Variants in MAGI2 observed in about 807,000 individuals in gnomAD.
The protein encoded by MAGI2 is membrane associated guanylate kinase, WW and PDZ domain containing 2.
MAGI2 carries 35 observed loss-of-function variants against 133.3 expected under a neutral mutation model. The observed-to-expected ratio is 0.26, with a 90% CI of 0.20 to 0.35. MAGI2 has a LOEUF of 0.35. Ranked by LOEUF, MAGI2 falls within the 10% of genes least tolerant of loss-of-function variation. The probability of loss-of-function intolerance (pLI) is 1.00; values close to 1 mark genes in which losing one functional copy is unlikely to be tolerated. For missense variants in MAGI2, 1,636 were observed against 1,863.4 expected, an observed-to-expected ratio of 0.88 and a Z score of 2.25; for synonymous variants, 729 against 710.6, an observed-to-expected ratio of 1.03 and a Z score of -0.41.
chr7:78,563,512 G>A (rs777764181), intron 3 of MAGI2, among the ~76,000 whole-genome samples: 10 of 152,166 alleles, frequency 6.6e-5, no homozygotes, highest in Non-Finnish European at 1.3e-4. Context: ...ACAGACGAGA[G>A]CCACTCAAGA....
intron 3 of MAGI2, among the ~76,000 whole-genome samples, chr7:78,561,535 G>T (rs1800402622): frequency 6.6e-6 from 1 of 152,104 alleles, no homozygotes; most frequent in South Asian, 2.1e-4. Flanking sequence ...TGTGGTTTTT[G>T]CAATTAAAAG....
At chr7:79,435,403 C>A (rs1361037616) in intron 1 of MAGI2, among the ~76,000 whole-genome samples, 1 of 152,106 alleles carries the variant, frequency 6.6e-6, no homozygotes. Flanking sequence ...ATTGGCAAAT[C>A]ATTGTTATAT....
At chr7:78,949,962 C>G (rs1407849270) in intron 2 of MAGI2, among the ~76,000 whole-genome samples, 1 of 152,148 alleles carries the variant, frequency 6.6e-6, no homozygotes, top group Non-Finnish European at 1.5e-5. Flanking sequence ...ATACTGGCCT[C>G]CATTGACAGG....
intron 2 of MAGI2, among the ~76,000 whole-genome samples, chr7:78,814,738 T>G (rs1331751673): frequency 6.6e-6 from 1 of 152,200 alleles, no homozygotes; most frequent in Non-Finnish European, 1.5e-5. Flanking sequence ...ATTATTATTA[T>G]TTGAGTCAGG....
intron 2 of MAGI2, among the ~76,000 whole-genome samples, chr7:78,684,558 T>C (rs1052182880): frequency 7.9e-5 from 12 of 152,270 alleles, no homozygotes; most frequent in East Asian, 1.9e-4. Flanking sequence ...GAAACACTTA[T>C]GGATATAATG....
At chr7:78,044,485 T>C (rs1372359581) in intron 21 of MAGI2, among the ~76,000 whole-genome samples, 1 of 152,186 alleles carries the variant, frequency 6.6e-6, no homozygotes, top group Non-Finnish European at 1.5e-5. Flanking sequence ...TTTGAATCAA[T>C]GTGGAGTTTT....
intron 20 of MAGI2, among the ~76,000 whole-genome samples, chr7:78,106,758 AATCCC>A (rs1818732531): frequency 6.6e-6 from 1 of 152,126 alleles, no homozygotes; most frequent in Non-Finnish European, 1.5e-5. Context: ...TCTGGTTATT[AATCCC>A]TTGTCAGGTA....
chr7:78,360,844 A>G (rs1398230119), intron 7 of MAGI2, among the ~76,000 whole-genome samples: 1 of 152,154 alleles, frequency 6.6e-6, no homozygotes, highest in Non-Finnish European at 1.5e-5. Context: ...TCGAGTTCTC[A>G]TGGTCCTATA....
intron 2 of MAGI2, among the ~76,000 whole-genome samples, chr7:78,852,415 G>T (rs1178806170): frequency 1.3e-5 from 2 of 151,878 alleles, no homozygotes; most frequent in East Asian, 3.9e-4. Flanking sequence ...TTCCTTTATG[G>T]TGATACTTTT....
chr7:78,289,140 C>T (rs933540718), intron 9 of MAGI2, among the ~76,000 whole-genome samples: 3 of 152,168 alleles, frequency 2.0e-5, no homozygotes, highest in African/African-American at 4.8e-5. Context: ...TTCAGATGAT[C>T]GGTAATAACA....
intron 1 of MAGI2, among the ~76,000 whole-genome samples, chr7:79,322,613 C>T (rs544557339): frequency 9.9e-5 from 15 of 151,688 alleles, no homozygotes; most frequent in Non-Finnish European, 1.5e-4. Context: ...TGGTGAAACC[C>T]GTCTCTACTA....
intron 10 of MAGI2, among the ~76,000 whole-genome samples, chr7:78,240,666 G>A (rs1018865138): frequency 6.6e-6 from 1 of 152,156 alleles, no homozygotes; most frequent in East Asian, 1.9e-4. Flanking sequence ...TTGGGGAGAT[G>A]TTAGCTAAAG....
chr7:79,276,652 T>C (rs1051214821), intron 1 of MAGI2, among the ~76,000 whole-genome samples: 2 of 152,184 alleles, frequency 1.3e-5, no homozygotes, highest in African/African-American at 4.8e-5. Context: ...GTGAATATTG[T>C]TGAAATGACA....
chr7:78,786,188 T>C (rs986595244), intron 2 of MAGI2, among the ~76,000 whole-genome samples: 4 of 151,770 alleles, frequency 2.6e-5, no homozygotes, highest in African/African-American at 9.7e-5. Context: ...CCTCTCTGTC[T>C]CTCACTCCTC....
chr7:78,791,985 A>G lies in MAGI2; in HGVS notation c.419-164746T>C, dbSNP rs980233651. 5.9e-5 allele frequency among the ~76,000 whole-genome samples: 9 copies of G among 152,200 alleles called. No individual in the cohort carries two copies. The East Asian group carries it at 1.3e-3, about 23-fold the overall frequency. On this transcript the variant is annotated intron_variant, in intron 2 of 21. Transcript: ENST00000354212. ...ATGATCTTTATTTTTAAAAATATGC[A>G]TAGGATGCTATACACTAAATTTTCA...
chr7:79,242,717 C>A (rs1017795888), intron 1 of MAGI2, among the ~76,000 whole-genome samples: 3 of 152,062 alleles, frequency 2.0e-5, no homozygotes, highest in South Asian at 4.1e-4. Flanking sequence ...AGTTAACATG[C>A]CTGATTTCTG....
chr7:78,934,245 G>GT (rs1442922173), intron 2 of MAGI2, among the ~76,000 whole-genome samples: 1 of 152,032 alleles, frequency 6.6e-6, no homozygotes, highest in Admixed American at 6.6e-5. Flanking sequence ...GGGATTACAG[G>GT]TGCCTGTCAC....
At chr7:78,064,769 A>G (rs1813643194) in intron 21 of MAGI2, among the ~76,000 whole-genome samples, 1 of 152,198 alleles carries the variant, frequency 6.6e-6, no homozygotes, top group Admixed American at 6.5e-5. Context: ...TGACAGTGAA[A>G]TGTGGGCTGC....
chr7:78,439,787 G>C (rs1787415576), intron 6 of MAGI2, among the ~76,000 whole-genome samples: 1 of 152,086 alleles, frequency 6.6e-6, no homozygotes, highest in Non-Finnish European at 1.5e-5. Context: ...CAGGATAAAT[G>C]TATCATCTTT....
Sources: allele counts gnomAD v4.1 joint callset (sites outside exome capture counted in the v4.1 genomes callset), GRCh38; gene constraint gnomAD v4.1.1; transcripts MANE v1.5; gene names NCBI Gene and HGNC (gene_info 2026-07-23, HGNC 2026-07-21).